COL13A1: variants seen among roughly 807,000 people sequenced by gnomAD.
COL13A1 encodes collagen type XIII alpha 1 chain.
In COL13A1, 89 loss-of-function variants were observed where a neutral mutation model predicts 130.9. The ratio of observed to expected loss-of-function variants is 0.68; its 90% CI spans 0.57 to 0.81. The LOEUF is 0.81. COL13A1 is among the 30% of genes least tolerant of loss of function. The probability of loss-of-function intolerance (pLI) is 0.00; values close to 1 mark genes in which losing one functional copy is unlikely to be tolerated. For missense variants in COL13A1, 879 were observed against 934.6 expected (o/e 0.94, Z 0.78); for synonymous variants, 402 against 341.6 (o/e 1.18, Z -1.95).
chr10:69,897,457 C>T, intron 13 of COL13A1: 1 of 1,613,668 alleles, frequency 6.2e-7, no homozygotes, highest in Non-Finnish European at 8.5e-7. Context: ...CTGCCACCTC[C>T]ATCCCCTCCC....
In COL13A1 at chr10:69,880,551, C is replaced by G. The variant is rs776473774; in HGVS notation, c.511C>G (p.Pro171Ala). 1.5e-5 allele frequency: 25 copies of G among 1,613,318 alleles called. No homozygotes were observed. The South Asian group carries it at 2.7e-4, about 18-fold the overall frequency. ...GLSIIGPRGPPGQPGTRGFPG... is the reference protein window; with the variant it reads ...GLSIIGPRGPAGQPGTRGFPG... The stretch of plus-strand genomic sequence containing the variant: ...GTCCATCATTGGTCCCCGCGGCCCC[C>G]CTGTAAGTTGTTTTTGCTCTTCCTC... The change falls in exon 7 of 41, where the codon CCT (proline) becomes GCT (alanine). Residue 171 changes from proline (P) to alanine (A), a missense_variant and splice_region_variant. Coordinates refer to ENST00000645393, the MANE Select transcript of COL13A1 (RefSeq NM_001368882.1).
At chr10:69,929,780 A>T (rs1006477831) in intron 28 of COL13A1, among the ~76,000 whole-genome samples, 3 of 152,196 alleles carry the variant, frequency 2.0e-5, no homozygotes, top group African/African-American at 7.2e-5. Context: ...TAAAACATGG[A>T]CATGGAGCCA....
chr10:69,811,216 C>T (rs1264507402), intron 1 of COL13A1, among the ~76,000 whole-genome samples: 2 of 152,200 alleles, frequency 1.3e-5, no homozygotes, highest in Non-Finnish European at 2.9e-5. Context: ...CCCACCACCC[C>T]CTCCCTTCAG....
At chr10:69,871,107 T>C (rs1312806674) in intron 3 of COL13A1, among the ~76,000 whole-genome samples, 1 of 151,734 alleles carries the variant, frequency 6.6e-6, no homozygotes, top group Non-Finnish European at 1.5e-5. Context: ...GGATGGGAGG[T>C]CACTACCCCA....
At chr10:69,852,551 A>G (rs1319439431) in intron 2 of COL13A1, among the ~76,000 whole-genome samples, 2 of 152,274 alleles carry the variant, frequency 1.3e-5, no homozygotes, top group Non-Finnish European at 2.9e-5. Context: ...TGCCAGATAT[A>G]TCGAGCAATG....
At chr10:69,904,267 T>C (rs2062500016) in intron 15 of COL13A1, among the ~76,000 whole-genome samples, 2 of 152,106 alleles carry the variant, frequency 1.3e-5, no homozygotes, top group Non-Finnish European at 2.9e-5. Flanking sequence ...CCAAGCCAGG[T>C]GGTTTTCTTT....
At chr10:69,942,786 G>A (rs1396048461) in intron 35 of COL13A1, among the ~76,000 whole-genome samples, 1 of 152,212 alleles carries the variant, frequency 6.6e-6, no homozygotes, top group Non-Finnish European at 1.5e-5. Context: ...GGAGTTTGTA[G>A]GCCTCCGAGG....
At chr10:69,889,059 C>T (rs1319536353) in intron 9 of COL13A1, among the ~76,000 whole-genome samples, 1 of 152,182 alleles carries the variant, frequency 6.6e-6, no homozygotes, top group Non-Finnish European at 1.5e-5. Context: ...TAAGTGCAGC[C>T]CAGGGGTGCC....
intron 23 of COL13A1, 90 bp downstream of exon 23, chr10:69,922,884 C>A: frequency 1.2e-6 from 1 of 827,548 alleles, no homozygotes; most frequent in Non-Finnish European, 1.8e-6. Flanking sequence ...TCCCGGACAT[C>A]CCGCCTTCTC....
At chr10:69,829,304 G>A in intron 2 of COL13A1, 2 of 976,804 alleles carry the variant, frequency 2.0e-6, no homozygotes, top group Non-Finnish European at 2.4e-6. Context: ...TAACATTGAT[G>A]TATAACTCCA....
intron 32 of COL13A1, among the ~76,000 whole-genome samples, chr10:69,936,161 GAA>G (rs2066875483): frequency 7.6e-5 from 2 of 26,280 alleles, no homozygotes; most frequent in Admixed American, 4.3e-4. Flanking sequence ...AGGAAGGAAG[GAA>G]GGAAGGAAGG....
chr10:69,948,906 A>G (rs1237079750), intron 38 of COL13A1, among the ~76,000 whole-genome samples: 1 of 152,202 alleles, frequency 6.6e-6, no homozygotes, highest in Non-Finnish European at 1.5e-5. Context: ...AATCAGTGGG[A>G]AAGTATTTCT....
chr10:69,841,537 T>C (rs1312744412), intron 2 of COL13A1, among the ~76,000 whole-genome samples: 1 of 152,186 alleles, frequency 6.6e-6, no homozygotes, highest in Non-Finnish European at 1.5e-5. Context: ...CACATATTAC[T>C]GAGCACTCAC....
At chr10:69,902,520 CA>C (rs2062299976) in intron 14 of COL13A1, among the ~76,000 whole-genome samples, 1 of 152,198 alleles carries the variant, frequency 6.6e-6, no homozygotes, top group Admixed American at 6.5e-5. Flanking sequence ...TTGGAAGCCC[CA>C]CCTTCAGGGA....
intron 1 of COL13A1, among the ~76,000 whole-genome samples, chr10:69,810,069 G>A (rs1842553200): frequency 6.6e-6 from 1 of 152,182 alleles, no homozygotes; most frequent in Non-Finnish European, 1.5e-5. Context: ...CTGCCTGAAT[G>A]CTCCCTTTTA....
chr10:69,846,025 TGCCCAGGCAG>T (rs1852943495), intron 2 of COL13A1, among the ~76,000 whole-genome samples: 1 of 152,268 alleles, frequency 6.6e-6, no homozygotes, highest in African/African-American at 2.4e-5. Context: ...GCAAGGCCAG[TGCCCAGGCAG>T]TCCTGAATGA....
At chr10:69,907,714 G>A in intron 17 of COL13A1, among the ~76,000 whole-genome samples, 1 of 150,096 alleles carries the variant, frequency 6.7e-6, no homozygotes, top group Admixed American at 6.6e-5. Flanking sequence ...CCACTCCCAT[G>A]ATAACTAACC....
chr10:69,958,949 C>A lies in COL13A1; in HGVS notation c.*248C>A, dbSNP rs78824587. 1.1e-5 allele frequency: 6 copies of A among 527,188 alleles called. No homozygotes were observed. Among genetic ancestry groups the A allele is most frequent in the Non-Finnish European group, 1.6e-5 (5 of 305,624 alleles). 32.7% of individuals were successfully genotyped at this position (527,188 alleles called of 1,614,324 possible). ...GTAATGTCTGCATGATATTTGTGCA[C>A]ATTTATTAAGTATCGAAGCTTAATA... is the stretch of plus-strand genomic sequence containing the variant. On this transcript the variant is annotated 3_prime_UTR_variant, in exon 41 of 41. Coordinates refer to ENST00000645393, the MANE Select transcript of COL13A1 (RefSeq NM_001368882.1).
At chr10:69,947,721 A>G (rs1484946204) in intron 38 of COL13A1, among the ~76,000 whole-genome samples, 1 of 152,252 alleles carries the variant, frequency 6.6e-6, no homozygotes, top group Non-Finnish European at 1.5e-5. Context: ...TTTGCCAGGC[A>G]TTCCAGGCCA....
Sources: gnomAD v4.1 joint callset for allele counts (sites outside exome capture counted in the v4.1 genomes callset) on GRCh38, gnomAD v4.1.1 for gene constraint, MANE v1.5 for transcripts, NCBI Gene and HGNC (gene_info 2026-07-23, HGNC 2026-07-21) for gene names.